The following CELF4 variants were observed in gnomAD, a reference collection of about 807,000 sequenced individuals.
The protein encoded by CELF4 is CUG-BP- and ETR-3-like factor 4.
CELF4 carries 18 observed loss-of-function variants against 59.9 expected under a neutral mutation model. The ratio of observed to expected loss-of-function variants is 0.30; its 90% CI spans 0.21 to 0.45. The LOEUF (loss-of-function observed/expected upper bound fraction) is 0.45, where lower values mean the gene tolerates loss of function less well. Ranked by LOEUF, CELF4 falls within the 20% of genes least tolerant of loss-of-function variation. CELF4 has a pLI of 1.00. For missense variants in CELF4, 456 were observed against 689.0 expected (o/e 0.66, Z 3.79); for synonymous variants, 261 against 267.1 (o/e 0.98, Z 0.22).
intron 2 of CELF4, among the ~76,000 whole-genome samples, chr18:37,338,031 GCCA>G (rs1277419130): frequency 1.4e-5 from 2 of 146,744 alleles, no homozygotes; most frequent in Non-Finnish European, 3.0e-5. Flanking sequence ...CACTGTCGCT[GCCA>G]CCATCTGTTA....
intron 1 of CELF4, among the ~76,000 whole-genome samples, chr18:37,540,600 G>A (rs1300207671): frequency 6.6e-6 from 1 of 152,188 alleles, no homozygotes; most frequent in Non-Finnish European, 1.5e-5. Context: ...GTGGGGCAGG[G>A]AGGAGGGAGC....
chr18:37,408,982 C>T lies in CELF4; in HGVS notation c.369+76543G>A, dbSNP rs191016839. On this transcript the variant is annotated intron_variant, in intron 2 of 12. Transcript: ENST00000420428. ...TCTGTCAATTCATCATGGGATCCCC[C>T]GCACCGGGTGCTTAGAACGTATGGG... 7.6e-4 allele frequency among the ~76,000 whole-genome samples: 115 copies of T among 152,288 alleles called. 1 individual carries two copies. The highest frequency in any genetic ancestry group is 2.3e-3 in the Admixed American group (35 of 15,298).
intron 2 of CELF4, among the ~76,000 whole-genome samples, chr18:37,400,104 G>A (rs2099307966): frequency 6.6e-6 from 1 of 152,172 alleles, no homozygotes; most frequent in Non-Finnish European, 1.5e-5. Context: ...AGTAAAAGGA[G>A]GGTATACAGG....
intron 2 of CELF4, among the ~76,000 whole-genome samples, chr18:37,478,607 C>A (rs2099857277): frequency 6.6e-6 from 1 of 151,946 alleles, no homozygotes; most frequent in Admixed American, 6.6e-5. Flanking sequence ...GTGGGCACAG[C>A]CCCAGGGAGA....
intron 2 of CELF4, among the ~76,000 whole-genome samples, chr18:37,390,844 G>A (rs2099153514): frequency 6.6e-6 from 1 of 151,206 alleles, no homozygotes; most frequent in Non-Finnish European, 1.5e-5. Context: ...AGCAGTGGCA[G>A]CACTGCTATT....
chr18:37,463,370 C>A (rs2099799084), intron 2 of CELF4, among the ~76,000 whole-genome samples: 1 of 152,168 alleles, frequency 6.6e-6, no homozygotes, highest in Admixed American at 6.5e-5. Context: ...AGGCACCCGA[C>A]ATATTTGTGG....
chr18:37,511,214 C>A (rs1317530060), intron 1 of CELF4, among the ~76,000 whole-genome samples: 2 of 152,200 alleles, frequency 1.3e-5, no homozygotes, highest in African/African-American at 2.4e-5. Context: ...ACTCACTCAC[C>A]CATCCTGCCA....
chr18:37,512,493 C>T (rs754694690), intron 1 of CELF4, among the ~76,000 whole-genome samples: 1 of 149,102 alleles, frequency 6.7e-6, no homozygotes, highest in African/African-American at 2.5e-5. Flanking sequence ...CATTTTCCTC[C>T]TCTTCTTCCT....
At chr18:37,425,378 T>C (rs915550164) in intron 2 of CELF4, among the ~76,000 whole-genome samples, 43 of 152,300 alleles carry the variant, frequency 2.8e-4, no homozygotes, top group South Asian at 6.2e-4. Flanking sequence ...CCCTGTTGAG[T>C]CAACCACAGA....
intron 2 of CELF4, among the ~76,000 whole-genome samples, chr18:37,432,878 G>C (rs530542716): frequency 1.3e-5 from 2 of 152,298 alleles, no homozygotes; most frequent in South Asian, 2.1e-4. Flanking sequence ...TGCTCTCTCA[G>C]CTCCTTCATC....
At chr18:37,392,721 T>G (rs571309052) in intron 2 of CELF4, among the ~76,000 whole-genome samples, 30 of 152,286 alleles carry the variant, frequency 2.0e-4, no homozygotes, top group Admixed American at 1.6e-3. Flanking sequence ...CTCAGATGGA[T>G]TTTGTTTGTT....
At chr18:37,367,808 C>T (rs1050596149) in intron 2 of CELF4, among the ~76,000 whole-genome samples, 9 of 152,012 alleles carry the variant, frequency 5.9e-5, no homozygotes, top group African/African-American at 2.2e-4. Flanking sequence ...AGCTCCGTGG[C>T]GCCGGTGAAG....
At chr18:37,261,020 G>T (rs2154304569) in intron 10 of CELF4, among the ~76,000 whole-genome samples, 1 of 152,146 alleles carries the variant, frequency 6.6e-6, no homozygotes, top group East Asian at 1.9e-4. Context: ...TCTTCCCACT[G>T]GTTCATGCCC....
chr18:37,270,857 C>T lies in CELF4; in HGVS notation c.1010G>A (p.Gly337Glu). 2 of 1,613,514 alleles carry T rather than the reference C, an allele frequency of 1.2e-6. No individual in the cohort carries two copies. The highest frequency in any genetic ancestry group is 1.1e-5 in the South Asian group (1 of 91,068). ...GGGGAGGCCGGTGAAGCCATTCACC[C>T]CAATGGGGGATGGGATGCTAGGCAC... ...PAVPSIPSPI[G>E]VNGFTGLPPQ... The change falls in exon 8 of 13, where the codon GGG (glycine) becomes GAG (glutamate). Residue 337 changes from glycine to glutamate, a missense_variant. Gly to Glu is a moderately conservative substitution (Grantham distance 98). This residue lies in a region of CELF4 where 256 missense variants were observed against 340.8 expected (regional missense o/e 0.75). Coordinates refer to ENST00000420428, the MANE Select transcript of CELF4 (RefSeq NM_020180.4).
At chr18:37,500,345 G>A (rs1380227686) in intron 1 of CELF4, among the ~76,000 whole-genome samples, 1 of 152,082 alleles carries the variant, frequency 6.6e-6, no homozygotes, top group African/African-American at 2.4e-5. Context: ...GGATGGGAAG[G>A]AGTAGGGCCG....
At chr18:37,275,695 G>T in intron 3 of CELF4, 1 of 176,760 alleles carries the variant, frequency 5.7e-6, no homozygotes, top group Non-Finnish European at 1.2e-5. Context: ...CTTTGCAGAT[G>T]CTGTTCCCCT....
intron 1 of CELF4, among the ~76,000 whole-genome samples, chr18:37,527,769 A>C (rs2099965541): frequency 6.6e-6 from 1 of 152,086 alleles, no homozygotes; most frequent in Non-Finnish European, 1.5e-5. Context: ...CTTTTTCCAC[A>C]CATGCTTTAC....
intron 2 of CELF4, among the ~76,000 whole-genome samples, chr18:37,432,801 C>T (rs1372417464): frequency 1.3e-5 from 2 of 152,184 alleles, no homozygotes; most frequent in African/African-American, 4.8e-5. Flanking sequence ...TTCTACCCTC[C>T]TCAACATTCT....
chr18:37,502,337 A>G (rs1055107704), intron 1 of CELF4, among the ~76,000 whole-genome samples: 2 of 152,164 alleles, frequency 1.3e-5, no homozygotes, highest in African/African-American at 4.8e-5. Context: ...GACAGCCGCA[A>G]ATAAACCTAC....
Sources: allele counts gnomAD v4.1 joint callset (sites outside exome capture counted in the v4.1 genomes callset), GRCh38; gene constraint gnomAD v4.1.1; regional missense constraint gnomAD v4.1.1; transcripts MANE v1.5; gene names NCBI Gene and HGNC (gene_info 2026-07-23, HGNC 2026-07-21).